ZBTB22: variants seen among roughly 807,000 people sequenced by gnomAD.
ZBTB22 encodes the protein zinc finger and BTB domain containing 22.
For synonymous variants in ZBTB22, 356 were observed against 347.3 expected, an observed-to-expected ratio of 1.03 and a Z score of -0.28; for missense variants, 668 against 834.1, an observed-to-expected ratio of 0.80 and a Z score of 2.45.
rs775109281 is a variant in ZBTB22, at chr6:33,315,872, C to T, written c.1045G>A (p.Gly349Arg). The change falls in exon 2 of 2, where the codon GGG becomes AGG. Residue 349 changes from glycine (G) to arginine (R), a missense_variant. Gly to Arg is a moderately radical substitution (Grantham distance 125). Transcript: ENST00000431845. The surrounding 1 kb of genome is among the most constrained non-coding windows in gnomAD (Gnocchi z 5.4). ...CTGAGGGTAGCCTCAGGCCCTCCCC[C>T]CACTGGAACCCTGGAGCTACCCCCT... is the stretch of plus-strand genomic sequence containing the variant. ...ELGGSSRVPV[G>R]GGPEATLSIS... 3.7e-6 allele frequency: 6 copies of T among 1,613,884 alleles called. No homozygotes were observed. The East Asian group carries it at 8.9e-5, about 24-fold the overall frequency.
chr6:33,317,015 T>C (rs1769928355), intron 1 of ZBTB22, 30 bp from the exon 2 acceptor site: 10 of 1,362,984 alleles, frequency 7.3e-6, no homozygotes, highest in Non-Finnish European at 9.8e-6. Flanking sequence ...AGAATAATGA[T>C]AACATCTCAT....
chr6:33,316,184 G>A lies in ZBTB22; in HGVS notation c.733C>T (p.Pro245Ser), dbSNP rs1455170006. The A allele has an allele frequency of 1.2e-6, 2 of 1,614,028 alleles. No homozygotes were observed. Among genetic ancestry groups the A allele is most frequent in the East Asian group, 4.5e-5 (2 of 44,884 alleles). ...RRGGGPVFPAPVVGSGGATSG... is the reference protein window; with the variant it reads ...RRGGGPVFPASVVGSGGATSG... ...GTGGCCCCTCCACTGCCAACGACAGGGGCTGGGAATACAGGGCCACCTCCT... is the reference window on the plus strand; with the variant it reads ...GTGGCCCCTCCACTGCCAACGACAGAGGCTGGGAATACAGGGCCACCTCCT... The change falls in exon 2 of 2, where the codon CCT becomes TCT. Residue 245 changes from proline to serine, a missense_variant. Transcript: ENST00000431845. This position sits in a 1 kb window ranked among gnomAD's most constrained non-coding sequence, Gnocchi z 7.2.
rs1769697491 is a variant in ZBTB22, at chr6:33,314,786, G to A, written c.*226C>T. 13 of 816,204 alleles carry A rather than the reference G, an allele frequency of 1.6e-5. No individual in the cohort carries two copies. The highest frequency in any genetic ancestry group is 8.7e-5 in the East Asian group (3 of 34,292). 50.6% of individuals were successfully genotyped at this position (816,204 alleles called of 1,614,324 possible). A position where few individuals can be genotyped will look rare whatever the true frequency, so the allele number is the denominator to read the frequency against. Reference sequence around the variant, plus strand: ...AGGGGCTTCAGTGTACCCATCAGAGGGAAAGGAAGGGTTTAGTTCTGGAAA... The same window carrying A: ...AGGGGCTTCAGTGTACCCATCAGAGAGAAAGGAAGGGTTTAGTTCTGGAAA... On this transcript the variant is annotated 3_prime_UTR_variant, in exon 2 of 2. Transcript: ENST00000431845.
rs118050845 is a variant in ZBTB22 at position 33,314,819 on chromosome 6, G to C, written c.*193C>G. 1,512 of 1,119,202 alleles carry C rather than the reference G, an allele frequency of 1.4e-3. 32 individuals carry two copies. In the East Asian group the frequency reaches 0.027, roughly 20 times the overall value. The allele number at this position is 1,119,202 out of a possible 1,614,324, so 69.3% of individuals were successfully genotyped here. A position where few individuals can be genotyped will look rare whatever the true frequency, so the allele number is the denominator to read the frequency against. On this transcript the variant is annotated 3_prime_UTR_variant, in exon 2 of 2. Coordinates refer to ENST00000431845, the MANE Select transcript of ZBTB22 (RefSeq NM_005453.5). ...AGGGTTTAGTTCTGGAAATACCTTGGGGGGGAGGGGTTGAGTAGTAGAATG... is the reference window on the plus strand; with the variant it reads ...AGGGTTTAGTTCTGGAAATACCTTGCGGGGGAGGGGTTGAGTAGTAGAATG...
rs200966027 is a variant in ZBTB22, at chr6:33,315,873, C to A, written c.1044G>T (p.Val348=). The A allele has an allele frequency of 3.7e-6, 6 of 1,613,744 alleles. No homozygotes were observed. Among genetic ancestry groups the A allele is most frequent in the Middle Eastern group, 1.6e-4 (1 of 6,084 alleles). Residue 348 remains valine (V), a synonymous_variant, in exon 2 of 2, where the codon GTG becomes GTT. Coordinates refer to ENST00000431845, the MANE Select transcript of ZBTB22 (RefSeq NM_005453.5). This position sits in a 1 kb window ranked among gnomAD's most constrained non-coding sequence, Gnocchi z 5.4. ...TGAGGGTAGCCTCAGGCCCTCCCCC[C>A]ACTGGAACCCTGGAGCTACCCCCTA... is the stretch of plus-strand genomic sequence containing the variant. The part of the protein sequence containing the change: ...EELGGSSRVP[V]GGGPEATLSI...
Position 33,315,491 on chromosome 6 carries a change from C to T in ZBTB22, c.1426G>A (p.Gly476Arg). 1 of 1,614,122 alleles carries T rather than the reference C, an allele frequency of 6.2e-7. No homozygotes were observed. Among genetic ancestry groups the T allele is most frequent in the Non-Finnish European group, 8.5e-7 (1 of 1,180,020 alleles). ...VPGSVGGVPG[G>R]TGSGDGNKIF... ...TTATTCCCGTCCCCACTGCCAGTCC[C>T]TCCAGGGACCCCACCAACGCTACCC... is the stretch of plus-strand genomic sequence containing the variant. The change falls in exon 2 of 2, where the codon GGG becomes AGG. Residue 476 changes from glycine (G) to arginine (R), a missense_variant. Coordinates refer to ENST00000431845, the MANE Select transcript of ZBTB22 (RefSeq NM_005453.5). This position sits in a 1 kb window ranked among gnomAD's most constrained non-coding sequence, Gnocchi z 5.4.
rs755404727 is a variant in ZBTB22 at position 33,316,892 on chromosome 6, T to C, written c.25A>G (p.Ser9Gly). The change falls in exon 2 of 2, where the codon AGT becomes GGT. Residue 9 changes from serine (S) to glycine (G), a missense_variant. By Grantham distance (56) the Ser-to-Gly change is moderately conservative. Transcript: ENST00000431845. This position sits in a 1 kb window ranked among gnomAD's most constrained non-coding sequence, Gnocchi z 7.2. MEPSPLSPSGAALPLPLSL... is the reference protein window; with the variant it reads MEPSPLSPGGAALPLPLSL... ...AGCGGCAGGGGAAGTGCTGCCCCAC[T>C]GGGAGACAGAGGAGATGGCTCCATG... 6.2e-7 allele frequency: 1 copy of C among 1,608,140 alleles called. No individual in the cohort carries two copies. Among genetic ancestry groups the C allele is most frequent in the South Asian group, 1.1e-5 (1 of 90,380 alleles).
Position 33,315,760 on chromosome 6 carries a change from G to C in ZBTB22, c.1157C>G (p.Pro386Arg). ...TGCCACAGGACCCCCACCCTCATATGGGCCAAAGTCATTGGAGGACTCACA... is the reference window on the plus strand; with the variant it reads ...TGCCACAGGACCCCCACCCTCATATCGGCCAAAGTCATTGGAGGACTCACA... ...NFCESSNDFG[P>R]YEGGGPVAGL... Residue 386 changes from proline (P) to arginine (R), a missense_variant, in exon 2 of 2, where the codon CCA becomes CGA. Transcript: ENST00000431845. This position sits in a 1 kb window ranked among gnomAD's most constrained non-coding sequence, Gnocchi z 5.4. 2 of 1,613,244 alleles carry C rather than the reference G, an allele frequency of 1.2e-6. No individual in the cohort carries two copies. Among genetic ancestry groups the C allele is most frequent in the Non-Finnish European group, 1.7e-6 (2 of 1,179,520 alleles).
Position 33,315,179 on chromosome 6 carries a change from T to C in ZBTB22, c.1738A>G (p.Thr580Ala), listed in dbSNP as rs1196561754. 6 of 1,611,624 alleles carry C rather than the reference T, an allele frequency of 3.7e-6. No individual in the cohort carries two copies. The highest frequency in any genetic ancestry group is 4.2e-6 in the Non-Finnish European group (5 of 1,178,962). Residue 580 changes from threonine to alanine, a missense_variant, in exon 2 of 2, where the codon ACT becomes GCT. Thr to Ala is a moderately conservative substitution (Grantham distance 58, BLOSUM62 0). Coordinates refer to ENST00000431845, the MANE Select transcript of ZBTB22 (RefSeq NM_005453.5). The surrounding 1 kb of genome is among the most constrained non-coding windows in gnomAD (Gnocchi z 5.4). ...GACGGCAAGGATGGCCCCGTGGGAG[T>C]CCCAGGCCCAGGTACGGCCCCGACC... ...GGVGAVPGPGTPTGPSLPSKR... is the reference protein window; with the variant it reads ...GGVGAVPGPGAPTGPSLPSKR...
Position 33,316,754 on chromosome 6 carries a change from G to C in ZBTB22, c.163C>G (p.Gln55Glu), listed in dbSNP as rs781264009. The part of the protein sequence containing the change: ...ESLNQQRLQG[Q>E]LCDVSIRVQG... ...ACTCTGATAGATACATCGCAGAGCTGGCCCTGCAGACGCTGCTGATTGAGG... is the reference window on the plus strand; with the variant it reads ...ACTCTGATAGATACATCGCAGAGCTCGCCCTGCAGACGCTGCTGATTGAGG... Residue 55 changes from glutamine to glutamate, a missense_variant, in exon 2 of 2, where the codon CAG becomes GAG. Physicochemically the swap from Gln to Glu is conservative, Grantham distance 29 (BLOSUM62 2). Coordinates refer to ENST00000431845, the MANE Select transcript of ZBTB22 (RefSeq NM_005453.5). This position sits in a 1 kb window ranked among gnomAD's most constrained non-coding sequence, Gnocchi z 7.2. The C allele has an allele frequency of 6.2e-7, 1 of 1,614,188 alleles. No homozygotes were observed. Among genetic ancestry groups the C allele is most frequent in the South Asian group, 1.1e-5 (1 of 91,084 alleles).
At position 33,315,790 on chromosome 6, in the gene ZBTB22, T is replaced by C. The variant is rs1769822848; in HGVS notation, c.1127A>G (p.Asn376Ser). Reference protein sequence around the residue: ...EPPDKGEEQVNFCESSNDFGP... With the variant: ...EPPDKGEEQVSFCESSNDFGP... ...AAAGTCATTGGAGGACTCACAGAAG[T>C]TGACCTGCTCCTCCCCCTTGTCTGG... Residue 376 changes from asparagine (N) to serine (S), a missense_variant, in exon 2 of 2, where the codon AAC becomes AGC. Coordinates refer to ENST00000431845, the MANE Select transcript of ZBTB22 (RefSeq NM_005453.5). This position sits in a 1 kb window ranked among gnomAD's most constrained non-coding sequence, Gnocchi z 5.4. 6.2e-7 allele frequency: 1 copy of C among 1,612,874 alleles called. No homozygotes were observed. The highest frequency in any genetic ancestry group is 8.5e-7 in the Non-Finnish European group (1 of 1,179,356).
chr6:33,316,661 C>T lies in ZBTB22; in HGVS notation c.256G>A (p.Val86Ile). 6 of 1,614,152 alleles carry T rather than the reference C, an allele frequency of 3.7e-6. No homozygotes were observed. The highest frequency in any genetic ancestry group is 5.1e-6 in the Non-Finnish European group (6 of 1,180,030). Residue 86 changes from valine to isoleucine, a missense_variant, in exon 2 of 2, where the codon GTC becomes ATC. By Grantham distance (29) the Val-to-Ile change is conservative. Transcript: ENST00000431845. This position sits in a 1 kb window ranked among gnomAD's most constrained non-coding sequence, Gnocchi z 7.2. Reference sequence around the variant, plus strand: ...ATGGAGGTCATGCCTTTGAGTAGGACCTGATCATGGAAGTAAGGGGAGGAG... The same window carrying T: ...ATGGAGGTCATGCCTTTGAGTAGGATCTGATCATGGAAGTAAGGGGAGGAG... ...AASSPYFHDQ[V>I]LLKGMTSISL...
In ZBTB22 at chr6:33,315,122, T is replaced by C. The variant is rs1368725139; in HGVS notation, c.1795A>G (p.Ser599Gly). The change falls in exon 2 of 2, where the codon AGC becomes GGC. Residue 599 changes from serine to glycine, a missense_variant. Physicochemically the swap from Ser to Gly is moderately conservative, Grantham distance 56 (BLOSUM62 0). Coordinates refer to ENST00000431845, the MANE Select transcript of ZBTB22 (RefSeq NM_005453.5). The surrounding 1 kb of genome is among the most constrained non-coding windows in gnomAD (Gnocchi z 5.4). ...KRESPGVGGGSGDEASAATPP... is the reference protein window; with the variant it reads ...KRESPGVGGGGGDEASAATPP... ...GTGGCCGCACTCGCTTCGTCGCCGC[T>C]GCCCCCGCCCACTCCGGGAGACTCT... The C allele has an allele frequency of 6.2e-7, 1 of 1,612,148 alleles. No individual in the cohort carries two copies. The highest frequency in any genetic ancestry group is 8.5e-7 in the Non-Finnish European group (1 of 1,178,676).
In ZBTB22 at chr6:33,315,523, C is replaced by T; in HGVS notation, c.1394G>A (p.Gly465Asp). Reference sequence around the variant, plus strand: ...GACCCCACCAACGCTACCCGGCACACCCAGGCTCCCCACCGACGTGCCCCC... The same window carrying T: ...GACCCCACCAACGCTACCCGGCACATCCAGGCTCCCCACCGACGTGCCCCC... The part of the protein sequence containing the change: ...TVGGTSVGSL[G>D]VPGSVGGVPG... Residue 465 changes from glycine (G) to aspartate (D), a missense_variant, in exon 2 of 2, where the codon GGT becomes GAT. Transcript: ENST00000431845. This position sits in a 1 kb window ranked among gnomAD's most constrained non-coding sequence, Gnocchi z 5.4. 1 of 1,613,914 alleles carries T rather than the reference C, an allele frequency of 6.2e-7. No homozygotes were observed.
chr6:33,315,789 G>A lies in ZBTB22; in HGVS notation c.1128C>T (p.Asn376=). ...CAAAGTCATTGGAGGACTCACAGAA[G>A]TTGACCTGCTCCTCCCCCTTGTCTG... ...EPPDKGEEQV[N]FCESSNDFGP... The change falls in exon 2 of 2, where the codon AAC becomes AAT. Residue 376 remains asparagine, a synonymous_variant. Coordinates refer to ENST00000431845, the MANE Select transcript of ZBTB22 (RefSeq NM_005453.5). This position sits in a 1 kb window ranked among gnomAD's most constrained non-coding sequence, Gnocchi z 5.4. The A allele has an allele frequency of 1.2e-6, 2 of 1,613,168 alleles. No individual in the cohort carries two copies. Among genetic ancestry groups the A allele is most frequent in the East Asian group, 2.2e-5 (1 of 44,874 alleles).
rs759679088 is a variant in ZBTB22 at position 33,315,930 on chromosome 6, C to G, written c.987G>C (p.Val329=). 1.2e-6 allele frequency: 2 copies of G among 1,614,112 alleles called. No homozygotes were observed. The highest frequency in any genetic ancestry group is 1.7e-6 in the Non-Finnish European group (2 of 1,180,020). ...CATCTTCATCATCCTCACAGGTCAA[C>G]ACCAGATCTTCCTCCTCCTCTTCCT... ...LEEEEEEEDL[V]LTCEDDEDEE... is the part of the protein sequence containing the mutation. Residue 329 remains valine (V), a synonymous_variant, in exon 2 of 2, where the codon GTG becomes GTC. Transcript: ENST00000431845. The surrounding 1 kb of genome is among the most constrained non-coding windows in gnomAD (Gnocchi z 5.4).
At chr6:33,317,156 G>C (rs570573639) in intron 1 of ZBTB22, among the ~76,000 whole-genome samples, 171 bp from the exon 2 acceptor site, 81 of 152,254 alleles carry the variant, frequency 5.3e-4, no homozygotes, top group African/African-American at 1.8e-3. Context: ...GAAAGATTAA[G>C]AGATTATCCA....
chr6:33,316,681 G>T lies in ZBTB22; in HGVS notation c.236C>A (p.Ser79Tyr). ...TAGGACCTGATCATGGAAGTAAGGG[G>T]AGGAGGCAGCCAGGACAGCCCGATG... ...RAHRAVLAASSPYFHDQVLLK... is the reference protein window; with the variant it reads ...RAHRAVLAASYPYFHDQVLLK... The change falls in exon 2 of 2, where the codon TCC becomes TAC. Residue 79 changes from serine (S) to tyrosine (Y), a missense_variant. Ser to Tyr is a moderately radical substitution (Grantham distance 144). Transcript: ENST00000431845. This position sits in a 1 kb window ranked among gnomAD's most constrained non-coding sequence, Gnocchi z 7.2. The T allele has an allele frequency of 6.2e-7, 1 of 1,614,212 alleles. No individual in the cohort carries two copies. Among genetic ancestry groups the T allele is most frequent in the Non-Finnish European group, 8.5e-7 (1 of 1,180,042 alleles).
chr6:33,315,802 T>C lies in ZBTB22; in HGVS notation c.1115A>G (p.Glu372Gly). The C allele has an allele frequency of 6.2e-7, 1 of 1,612,392 alleles. No homozygotes were observed. The highest frequency in any genetic ancestry group is 1.1e-5 in the South Asian group (1 of 90,926). The part of the protein sequence containing the change: ...RTLSEPPDKG[E>G]EQVNFCESSN... ...GGACTCACAGAAGTTGACCTGCTCCTCCCCCTTGTCTGGGGGCTCACTCAG... is the reference window on the plus strand; with the variant it reads ...GGACTCACAGAAGTTGACCTGCTCCCCCCCCTTGTCTGGGGGCTCACTCAG... Residue 372 changes from glutamate to glycine, a missense_variant, in exon 2 of 2, where the codon GAG becomes GGG. Transcript: ENST00000431845. The surrounding 1 kb of genome is among the most constrained non-coding windows in gnomAD (Gnocchi z 5.4).
Sources: allele counts gnomAD v4.1 joint callset (sites outside exome capture counted in the v4.1 genomes callset), GRCh38; gene constraint gnomAD v4.1.1; non-coding constraint Gnocchi (gnomAD v3.1); transcripts MANE v1.5; gene names NCBI Gene and HGNC (gene_info 2026-07-23, HGNC 2026-07-21).